THSD4: variants seen among roughly 807,000 people sequenced by gnomAD.
THSD4 encodes the protein thrombospondin type 1 domain containing 4.
A neutral mutation model predicts 119.0 loss-of-function variants in THSD4; 69 were observed. That is an observed-to-expected ratio of 0.58 (90% confidence interval 0.48 to 0.71). THSD4 has a LOEUF of 0.71. THSD4 is among the 30% of genes least tolerant of loss of function. THSD4 has a pLI of 0.00. For synonymous variants in THSD4, 524 were observed against 540.4 expected, an observed-to-expected ratio of 0.97 and a Z score of 0.42; for missense variants, 1,393 against 1,391.1, an observed-to-expected ratio of 1.00 and a Z score of -0.02.
At chr15:71,586,779 C>T (rs1256940996) in intron 7 of THSD4, among the ~76,000 whole-genome samples, 3 of 152,180 alleles carry the variant, frequency 2.0e-5, no homozygotes, top group Non-Finnish European at 2.9e-5. Context: ...ACAGCAGAAG[C>T]AGGAAATCTG....
At chr15:71,461,092 T>C (rs1352748347) in intron 7 of THSD4, among the ~76,000 whole-genome samples, 2 of 152,210 alleles carry the variant, frequency 1.3e-5, no homozygotes, top group Non-Finnish European at 2.9e-5. Context: ...AACTGGGTGG[T>C]TCTGGCTTAG....
chr15:71,343,078 A>G (rs551784729), intron 6 of THSD4, among the ~76,000 whole-genome samples: 1 of 152,316 alleles, frequency 6.6e-6, no homozygotes, highest in African/African-American at 2.4e-5. Context: ...TGGACAAACA[A>G]AGTCCACCCC....
At chr15:71,129,872 A>G (rs1365196321) in intron 1 of THSD4, among the ~76,000 whole-genome samples, 1 of 152,256 alleles carries the variant, frequency 6.6e-6, no homozygotes, top group Non-Finnish European at 1.5e-5. Context: ...GGGCAGGATG[A>G]GGCAGATCCT....
chr15:71,634,505 C>T (rs1485490966), intron 7 of THSD4, among the ~76,000 whole-genome samples: 1 of 152,234 alleles, frequency 6.6e-6, no homozygotes, highest in African/African-American at 2.4e-5. Context: ...GTCCCAATGC[C>T]ATGTCCACTT....
Position 71,268,370 on chromosome 15 carries a change from G to A in THSD4, c.1015+11655G>A, listed in dbSNP as rs577177469. Among the ~76,000 whole-genome samples, 14 of 152,268 alleles carry A rather than the reference G, an allele frequency of 9.2e-5. No homozygotes were observed. In the East Asian group the frequency reaches 2.5e-3, roughly 27 times the overall value. On this transcript the variant is annotated intron_variant, in intron 6 of 17. Transcript: ENST00000261862. ...CCTGAATAACTACTGGGTAAATAACGAAATTAAGGCAGAAATAAAGAAGTT... is the reference window on the plus strand; with the variant it reads ...CCTGAATAACTACTGGGTAAATAACAAAATTAAGGCAGAAATAAAGAAGTT...
chr15:71,133,122 T>C (rs1368078542), intron 1 of THSD4, among the ~76,000 whole-genome samples: 1 of 152,192 alleles, frequency 6.6e-6, no homozygotes, highest in Non-Finnish European at 1.5e-5. Flanking sequence ...AAACTGCTCT[T>C]GGCAGCGGAT....
intron 7 of THSD4, among the ~76,000 whole-genome samples, chr15:71,424,622 T>C (rs1051144640): frequency 6.6e-6 from 1 of 152,128 alleles, no homozygotes; most frequent in Non-Finnish European, 1.5e-5. Context: ...TCAGAGACAC[T>C]CTGGCCCTCC....
At chr15:71,583,826 A>G (rs2049604356) in intron 7 of THSD4, among the ~76,000 whole-genome samples, 1 of 152,196 alleles carries the variant, frequency 6.6e-6, no homozygotes, top group Non-Finnish European at 1.5e-5. Context: ...GGCATAATAT[A>G]TGTTCTATCC....
intron 6 of THSD4, among the ~76,000 whole-genome samples, chr15:71,351,087 AGGTCAAT>A (rs2045738347): frequency 6.6e-6 from 1 of 152,190 alleles, no homozygotes; most frequent in African/African-American, 2.4e-5. Context: ...CTGGGGTATC[AGGTCAAT>A]GGCTGGGGAA....
At chr15:71,681,947 A>G (rs1333797048) in intron 8 of THSD4, among the ~76,000 whole-genome samples, 3 of 152,104 alleles carry the variant, frequency 2.0e-5, no homozygotes, top group African/African-American at 7.3e-5. Context: ...TTGGTCTTTA[A>G]AATGTTCAGC....
At chr15:71,442,220 A>G (rs1451419055) in intron 7 of THSD4, among the ~76,000 whole-genome samples, 1 of 151,796 alleles carries the variant, frequency 6.6e-6, no homozygotes, top group Non-Finnish European at 1.5e-5. Context: ...AGCCTCCCAA[A>G]GTGCTGGGAT....
At chr15:71,199,738 AGT>A (rs2043770102) in intron 3 of THSD4, among the ~76,000 whole-genome samples, 8 of 20,992 alleles carry the variant, frequency 3.8e-4, no homozygotes, top group African/African-American at 1.2e-3. Context: ...GTGTGTGTGT[AGT>A]GTGTGTGGGT....
intron 8 of THSD4, among the ~76,000 whole-genome samples, chr15:71,685,300 C>T (rs2051884371): frequency 6.6e-6 from 1 of 151,864 alleles, no homozygotes; most frequent in Non-Finnish European, 1.5e-5. Context: ...GTTTTCATCT[C>T]AGGACCCTTT....
chr15:71,319,262 T>C (rs957007791), intron 6 of THSD4, among the ~76,000 whole-genome samples: 4 of 152,158 alleles, frequency 2.6e-5, no homozygotes, highest in Non-Finnish European at 5.9e-5. Context: ...ATTATTATAC[T>C]TTAAGTTCTA....
chr15:71,109,557 T>C (rs975303349), intron 1 of THSD4, among the ~76,000 whole-genome samples: 1 of 152,040 alleles, frequency 6.6e-6, no homozygotes, highest in African/African-American at 2.4e-5. Flanking sequence ...TGCCATTCCA[T>C]AGGGGAGGCG....
chr15:71,457,576 A>G (rs1472902443), intron 7 of THSD4, among the ~76,000 whole-genome samples: 2 of 151,960 alleles, frequency 1.3e-5, no homozygotes, highest in Admixed American at 1.3e-4. Context: ...CTCAGCACAG[A>G]CACCCCAGCC....
In THSD4 at chr15:71,280,455, T is replaced by G. The variant is rs376424225; in HGVS notation, c.1015+23740T>G. Among the ~76,000 whole-genome samples the G allele has an allele frequency of 1.5e-3, 233 of 152,316 alleles. 12 individuals carry two copies. The South Asian group carries it at 0.047, about 30-fold the overall frequency. ...GAACAAAAGGGGTGAAAATAAATAA[T>G]TTGAAAATTTGGCAGTCATGTTTTC... On this transcript the variant is annotated intron_variant, in intron 6 of 17. Transcript: ENST00000261862.
rs534598342 is a variant in THSD4, at chr15:71,302,227, C to A, written c.1015+45512C>A. 1.2e-3 allele frequency among the ~76,000 whole-genome samples: 182 copies of A among 152,290 alleles called. 1 individual carries two copies. The highest frequency in any genetic ancestry group is 3.6e-3 in the African/African-American group (149 of 41,562). On this transcript the variant is annotated intron_variant, in intron 6 of 17. Coordinates refer to ENST00000261862, the MANE Select transcript of THSD4 (RefSeq NM_024817.3). ...GCTTGGGGCTAGACAGACAGCTTCT[C>A]ATCCCAGGTTGGAGAGCACACCAGA...
At chr15:71,117,775 CT>C (rs572204676) in intron 1 of THSD4, among the ~76,000 whole-genome samples, 46 of 152,342 alleles carry the variant, frequency 3.0e-4, no homozygotes, top group Admixed American at 2.9e-3. Flanking sequence ...CCAGTATTCA[CT>C]TCTATTTAAT....
Sources: allele counts gnomAD v4.1 joint callset (sites outside exome capture counted in the v4.1 genomes callset), GRCh38; gene constraint gnomAD v4.1.1; transcripts MANE v1.5; gene names NCBI Gene and HGNC (gene_info 2026-07-23, HGNC 2026-07-21).